The following SEMA6D variants were observed in gnomAD, a reference collection of about 807,000 sequenced individuals.
SEMA6D encodes the protein semaphorin 6D, also known as semaphorin-6D.
In SEMA6D, 35 loss-of-function variants were observed where a neutral mutation model predicts 106.6. The observed-to-expected ratio is 0.33, with a 90% confidence interval of 0.25 to 0.44. SEMA6D has a LOEUF of 0.44. Among genes scored for constraint, SEMA6D ranks in the 20% least tolerant of loss-of-function variants. The probability of loss-of-function intolerance (pLI) is 1.00; values close to 1 mark genes in which losing one functional copy is unlikely to be tolerated. For synonymous variants in SEMA6D, 499 were observed against 487.7 expected, an observed-to-expected ratio of 1.02 and a Z score of -0.31; for missense variants, 1,185 against 1,345.9, an observed-to-expected ratio of 0.88 and a Z score of 1.87.
In SEMA6D at chr15:47,580,078, C is replaced by T. The variant is rs569646953; in HGVS notation, c.-86-20787C>T. Among the ~76,000 whole-genome samples the T allele has an allele frequency of 1.1e-4, 16 of 152,278 alleles. No individual in the cohort carries two copies. The South Asian group carries it at 3.3e-3, about 32-fold the overall frequency. Reference sequence around the variant, plus strand: ...CTCTTTAAAAATATGACATAACCCACCTGTCTGAGATGACCTTTCAAAGCT... The same window carrying T: ...CTCTTTAAAAATATGACATAACCCATCTGTCTGAGATGACCTTTCAAAGCT... On this transcript the variant is annotated intron_variant, in intron 3 of 19. Coordinates refer to the SEMA6D transcript ENST00000558014.
intron 4 of SEMA6D, among the ~76,000 whole-genome samples, chr15:47,615,400 A>G (rs2076988827): frequency 6.6e-6 from 1 of 152,170 alleles, no homozygotes; most frequent in Non-Finnish European, 1.5e-5. Flanking sequence ...TGGCACAGAT[A>G]CCAAGGATGA....
At chr15:47,328,178 A>T (rs1345313163) in intron 1 of SEMA6D, among the ~76,000 whole-genome samples, 1 of 152,210 alleles carries the variant, frequency 6.6e-6, no homozygotes, top group South Asian at 2.1e-4. Context: ...TTAAATTTCT[A>T]TTCAAAATAC....
chr15:47,688,133 A>G (rs937561188), intron 4 of SEMA6D, among the ~76,000 whole-genome samples: 4 of 152,176 alleles, frequency 2.6e-5, no homozygotes, highest in African/African-American at 9.7e-5. Context: ...AAAATATTAG[A>G]AATGAGTTTG....
At chr15:47,688,395 C>G (rs1437057877) in intron 4 of SEMA6D, among the ~76,000 whole-genome samples, 1 of 152,108 alleles carries the variant, frequency 6.6e-6, no homozygotes, top group Non-Finnish European at 1.5e-5. Context: ...AATGTTCAAT[C>G]TAAATACAAG....
intron 3 of SEMA6D, among the ~76,000 whole-genome samples, chr15:47,577,779 C>T (rs1302111038): frequency 1.3e-5 from 2 of 152,204 alleles, no homozygotes; most frequent in African/African-American, 4.8e-5. Context: ...AGAAAGTTAA[C>T]CTGTTCTCTG....
At chr15:47,288,458 T>C (rs1244080603) in intron 1 of SEMA6D, among the ~76,000 whole-genome samples, 1 of 152,220 alleles carries the variant, frequency 6.6e-6, no homozygotes, top group Non-Finnish European at 1.5e-5. Flanking sequence ...AATTTGATTT[T>C]ACCAATGTTG....
intron 1 of SEMA6D, among the ~76,000 whole-genome samples, chr15:47,200,932 A>G (rs911186036): frequency 1.3e-5 from 2 of 152,224 alleles, no homozygotes; most frequent in Non-Finnish European, 2.9e-5. Flanking sequence ...TTGTTTCACC[A>G]GAGCTGCGTG....
rs12911145 is a variant in SEMA6D at position 47,398,129 on chromosome 15, A to T, written c.-238-14264A>T. Among the ~76,000 whole-genome samples the T allele has an allele frequency of 2.2e-3, 328 of 152,342 alleles. 2 individuals are homozygous for T. The highest frequency in any genetic ancestry group is 3.8e-3 in the Non-Finnish European group (259 of 68,028). ...CATAGCATTTGTGACTTGGCTAATTATGAAATACAATTAAAAAATGATTAA... is the reference window on the plus strand; with the variant it reads ...CATAGCATTTGTGACTTGGCTAATTTTGAAATACAATTAAAAAATGATTAA... On this transcript the variant is annotated intron_variant, in intron 1 of 19. Transcript: ENST00000558014.
chr15:47,393,394 G>A (rs1239150762), intron 1 of SEMA6D: 1 of 152,172 alleles, frequency 6.6e-6, no homozygotes, highest in African/African-American at 2.4e-5. Context: ...GAAAGTCTTT[G>A]TGGGAATTCT....
chr15:47,403,470 T>C (rs1222377764), intron 1 of SEMA6D, among the ~76,000 whole-genome samples: 3 of 152,204 alleles, frequency 2.0e-5, no homozygotes, highest in Non-Finnish European at 4.4e-5. Context: ...GCATCTACTT[T>C]ATGGGGAGAA....
intron 3 of SEMA6D, among the ~76,000 whole-genome samples, chr15:47,573,628 T>G (rs2076104090): frequency 6.6e-6 from 1 of 152,210 alleles, no homozygotes; most frequent in African/African-American, 2.4e-5. Flanking sequence ...GGTCTTTCTT[T>G]CTTTCATCTC....
intron 4 of SEMA6D, among the ~76,000 whole-genome samples, chr15:47,659,313 G>T (rs1450524865): frequency 6.6e-6 from 1 of 151,710 alleles, no homozygotes; most frequent in Non-Finnish European, 1.5e-5. Flanking sequence ...AGAATATTTA[G>T]TATATGATAA....
chr15:47,357,923 G>A (rs959093617), intron 1 of SEMA6D, among the ~76,000 whole-genome samples: 1 of 152,178 alleles, frequency 6.6e-6, no homozygotes, highest in African/African-American at 2.4e-5. Context: ...GGTGATTTTG[G>A]TGGGGAATTC....
chr15:47,247,836 A>G (rs921219857), intron 1 of SEMA6D, among the ~76,000 whole-genome samples: 6 of 152,206 alleles, frequency 3.9e-5, no homozygotes, highest in African/African-American at 1.2e-4. Flanking sequence ...TGTGGGGTCA[A>G]CTAGTTTTTA....
chr15:47,584,751 A>C (rs978434379), intron 3 of SEMA6D, among the ~76,000 whole-genome samples: 6 of 152,078 alleles, frequency 3.9e-5, no homozygotes, highest in African/African-American at 1.4e-4. Context: ...TTCCTCTCAT[A>C]CCCCCAGGGC....
At chr15:47,415,820 C>T (rs1366117625) in intron 2 of SEMA6D, among the ~76,000 whole-genome samples, 1 of 152,130 alleles carries the variant, frequency 6.6e-6, no homozygotes, top group East Asian at 1.9e-4. Context: ...GATCACACAT[C>T]CTTTAAGAAT....
chr15:47,766,871 A>G (rs1451737961), intron 16 of SEMA6D, among the ~76,000 whole-genome samples, 166 bp from the exon 17 acceptor site: 2 of 151,860 alleles, frequency 1.3e-5, no homozygotes, highest in Non-Finnish European at 2.9e-5. Flanking sequence ...TTCCTTCACC[A>G]TTTACAATTT....
chr15:47,349,703 T>C (rs2038233831), intron 1 of SEMA6D, among the ~76,000 whole-genome samples: 1 of 151,118 alleles, frequency 6.6e-6, no homozygotes, highest in East Asian at 2.0e-4. Flanking sequence ...TAAAAAAATA[T>C]GGATCTAGAG....
At chr15:47,263,887 C>T (rs1252569996) in intron 1 of SEMA6D, among the ~76,000 whole-genome samples, 1 of 150,400 alleles carries the variant, frequency 6.6e-6, no homozygotes, top group South Asian at 2.1e-4. Context: ...TACAAAGATA[C>T]ATGAATGCAT....
Sources: allele counts gnomAD v4.1 joint callset (sites outside exome capture counted in the v4.1 genomes callset), GRCh38; gene constraint gnomAD v4.1.1; transcripts MANE v1.5; gene names NCBI Gene and HGNC (gene_info 2026-07-23, HGNC 2026-07-21).